Variants in ARHGAP24 observed in about 807,000 individuals in gnomAD.
The protein encoded by ARHGAP24 is Rho GTPase activating protein 24, also known as rho GTPase-activating protein 24.
Under a neutral mutation model 76.4 loss-of-function variants are expected in ARHGAP24, and 50 were observed. That is an observed-to-expected ratio of 0.65 (90% CI 0.52 to 0.83). The LOEUF (loss-of-function observed/expected upper bound fraction) is 0.83. Among genes scored for constraint, ARHGAP24 ranks in the 40% least tolerant of loss-of-function variants. The pLI is 0.00. For synonymous variants in ARHGAP24, 345 were observed against 323.3 expected (o/e 1.07, Z -0.72); for missense variants, 930 against 914.2 (o/e 1.02, Z -0.22).
chr4:85,576,668 G>A (rs897461505), intron 2 of ARHGAP24, among the ~76,000 whole-genome samples: 8 of 152,146 alleles, frequency 5.3e-5, no homozygotes, highest in African/African-American at 1.9e-4. Flanking sequence ...AGATGGTACT[G>A]TGTGTCATCA....
chr4:85,932,912 A>G (rs1481445347), intron 4 of ARHGAP24, among the ~76,000 whole-genome samples: 1 of 151,996 alleles, frequency 6.6e-6, no homozygotes, highest in Admixed American at 6.6e-5. Context: ...TGCAGCCCCA[A>G]CCCGCCGCCA....
intron 3 of ARHGAP24, among the ~76,000 whole-genome samples, chr4:85,916,524 A>G (rs1406587250): frequency 6.6e-6 from 1 of 152,180 alleles, no homozygotes. Flanking sequence ...AAATAAATAA[A>G]TAAGAGCTTA....
intron 3 of ARHGAP24, among the ~76,000 whole-genome samples, chr4:85,835,832 C>A (rs185367894): frequency 6.6e-6 from 1 of 151,872 alleles, no homozygotes; most frequent in South Asian, 2.1e-4. Context: ...ATTACAGGTG[C>A]GTGCCACCAT....
At chr4:85,634,791 A>G (rs1721259541) in intron 2 of ARHGAP24, among the ~76,000 whole-genome samples, 1 of 151,874 alleles carries the variant, frequency 6.6e-6, no homozygotes, top group Admixed American at 6.6e-5. Flanking sequence ...TAAACTCTTG[A>G]GATGCTTAGA....
At chr4:85,999,100 T>G (rs536435842) in intron 9 of ARHGAP24, among the ~76,000 whole-genome samples, 1 of 152,358 alleles carries the variant, frequency 6.6e-6, no homozygotes, top group South Asian at 2.1e-4. Flanking sequence ...GTCCTTTTCA[T>G]TCCTGGAAGT....
intron 1 of ARHGAP24, among the ~76,000 whole-genome samples, chr4:85,487,346 TTATAA>T (rs1422951507): frequency 8.8e-6 from 1 of 113,254 alleles, no homozygotes; most frequent in Middle Eastern, 4.7e-3. Flanking sequence ...TTATATACAT[TTATAA>T]TATATATAAA....
intron 2 of ARHGAP24, among the ~76,000 whole-genome samples, chr4:85,626,571 G>A (rs1204612579): frequency 6.6e-6 from 1 of 152,082 alleles, no homozygotes; most frequent in Admixed American, 6.6e-5. Context: ...TGCTCTTCTC[G>A]AGGAGTAATT....
intron 1 of ARHGAP24, among the ~76,000 whole-genome samples, chr4:85,503,179 C>CT (rs1193790354): frequency 9.9e-5 from 15 of 152,094 alleles, no homozygotes; most frequent in Non-Finnish European, 2.1e-4. Context: ...CTAAAATTCT[C>CT]TTTTTTGTTG....
At chr4:85,648,189 C>A (rs113446112) in intron 2 of ARHGAP24, among the ~76,000 whole-genome samples, 4 of 152,068 alleles carry the variant, frequency 2.6e-5, no homozygotes, top group Non-Finnish European at 5.9e-5. Flanking sequence ...CCTGATCCTA[C>A]GCCAGATCGG....
At chr4:85,844,555 AC>A (rs1280065709) in intron 3 of ARHGAP24, among the ~76,000 whole-genome samples, 1 of 152,110 alleles carries the variant, frequency 6.6e-6, no homozygotes, top group East Asian at 1.9e-4. Context: ...CACAACATAA[AC>A]CCAGTGTCTT....
At chr4:85,676,940 C>T (rs1723000692) in intron 2 of ARHGAP24, among the ~76,000 whole-genome samples, 1 of 152,170 alleles carries the variant, frequency 6.6e-6, no homozygotes. Flanking sequence ...AGTGGCAGCA[C>T]ATGAAACAAG....
intron 2 of ARHGAP24, among the ~76,000 whole-genome samples, chr4:85,669,412 A>G (rs554086973): frequency 2.0e-4 from 30 of 151,992 alleles, no homozygotes; most frequent in South Asian, 6.2e-4. Context: ...GTCACAATTT[A>G]CAGTAGTCTA....
intron 2 of ARHGAP24, among the ~76,000 whole-genome samples, chr4:85,667,761 G>A (rs922245280): frequency 1.3e-5 from 2 of 152,134 alleles, no homozygotes; most frequent in Admixed American, 1.3e-4. Flanking sequence ...AAGAATTAAA[G>A]GTTTCCATGA....
intron 2 of ARHGAP24, among the ~76,000 whole-genome samples, chr4:85,626,894 A>G (rs1415830586): frequency 1.3e-5 from 2 of 152,054 alleles, no homozygotes; most frequent in Non-Finnish European, 2.9e-5. Context: ...TGCATTTGTC[A>G]TGTAGCTCTC....
At chr4:85,735,749 C>G (rs1725583086) in intron 3 of ARHGAP24, among the ~76,000 whole-genome samples, 1 of 152,130 alleles carries the variant, frequency 6.6e-6, no homozygotes, top group Non-Finnish European at 1.5e-5. Context: ...ACTCTCTTCT[C>G]TTCCATACAC....
intron 2 of ARHGAP24, among the ~76,000 whole-genome samples, chr4:85,586,609 T>G (rs878900138): frequency 3.3e-5 from 5 of 152,046 alleles, no homozygotes; most frequent in African/African-American, 1.2e-4. Flanking sequence ...TTAATAAAGT[T>G]GAGAATTGGG....
intron 3 of ARHGAP24, among the ~76,000 whole-genome samples, chr4:85,732,880 T>C (rs76461239): frequency 1.3e-5 from 2 of 150,150 alleles, no homozygotes; most frequent in African/African-American, 4.9e-5. Flanking sequence ...TTTTTTTTTT[T>C]AGTATTTATT....
At chr4:85,476,348 C>T (rs1722598382) in intron 1 of ARHGAP24, among the ~76,000 whole-genome samples, 1 of 152,072 alleles carries the variant, frequency 6.6e-6, no homozygotes, top group African/African-American at 2.4e-5. Flanking sequence ...TCTTTGTAGA[C>T]TATATCTCGT....
At chr4:85,679,359 A>G (rs549949936) in intron 2 of ARHGAP24, among the ~76,000 whole-genome samples, 1 of 152,288 alleles carries the variant, frequency 6.6e-6, no homozygotes, top group East Asian at 1.9e-4. Context: ...TCCCCCACAA[A>G]AGACAGATTT....
Sources: allele counts gnomAD v4.1 joint callset (sites outside exome capture counted in the v4.1 genomes callset), GRCh38; gene constraint gnomAD v4.1.1; transcripts MANE v1.5; gene names NCBI Gene and HGNC (gene_info 2026-07-23, HGNC 2026-07-21).